CLSTN1: variants seen among roughly 807,000 people sequenced by gnomAD.
CLSTN1 encodes the protein calsyntenin 1.
Under a neutral mutation model 108.3 loss-of-function variants are expected in CLSTN1, and 28 were observed. The observed-to-expected ratio is 0.26, with a 90% CI of 0.19 to 0.35. The LOEUF is 0.35. CLSTN1 is among the 10% of genes least tolerant of loss of function. CLSTN1 has a pLI of 1.00. For synonymous variants in CLSTN1, 524 were observed against 534.9 expected (o/e 0.98, Z 0.28); for missense variants, 1,157 against 1,302.6 (o/e 0.89, Z 1.72).
chr1:9,765,583 GA>G (rs112190704), intron 2 of CLSTN1, among the ~76,000 whole-genome samples: 3,394 of 141,298 alleles, frequency 0.024, 139 homozygotes, highest in African/African-American at 0.076. Context: ...CTCAAAAAAA[GA>G]AAAAAAAAAA....
chr1:9,823,652 C>A lies in CLSTN1; in HGVS notation c.82G>T (p.Ala28Ser). 1 of 1,179,068 alleles carries A rather than the reference C, an allele frequency of 8.5e-7. No individual in the cohort carries two copies. Among genetic ancestry groups the A allele is most frequent in the East Asian group, 3.7e-5 (1 of 27,114 alleles). 73.0% of individuals were successfully genotyped at this position (1,179,068 alleles called of 1,614,324 possible). A position where few individuals can be genotyped will look rare whatever the true frequency, so the allele number is the denominator to read the frequency against. ...AGLLCGGGVW[A>S]ARVNKHKPWL... ...CAGCCCCGGGGCTTACCTCGCGCGGCCCAGACCCCGCCGCCGCACAGCAGC... is the reference window on the plus strand; with the variant it reads ...CAGCCCCGGGGCTTACCTCGCGCGGACCAGACCCCGCCGCCGCACAGCAGC... The change falls in exon 1 of 19, where the codon GCC becomes TCC. Residue 28 changes from alanine (A) to serine (S), a missense_variant. Transcript: ENST00000377298. The surrounding 1 kb of genome is among the most constrained non-coding windows in gnomAD (Gnocchi z 6.3).
chr1:9,750,466 C>A (rs867080045), intron 5 of CLSTN1, among the ~76,000 whole-genome samples: 2 of 151,928 alleles, frequency 1.3e-5, no homozygotes, highest in South Asian at 4.2e-4. Context: ...AACAGGGTCT[C>A]GTTCTCTTGC....
intron 1 of CLSTN1, among the ~76,000 whole-genome samples, chr1:9,775,267 T>C (rs1652878959): frequency 6.6e-6 from 1 of 151,240 alleles, no homozygotes; most frequent in Non-Finnish European, 1.5e-5. Flanking sequence ...CAAGATGGAG[T>C]CGCTCTGGTT....
intron 1 of CLSTN1, among the ~76,000 whole-genome samples, chr1:9,777,584 AAC>A (rs1190018572): frequency 1.3e-5 from 2 of 152,202 alleles, no homozygotes; most frequent in Non-Finnish European, 2.9e-5. Context: ...TTAAAAAACA[AAC>A]ACATTATATA....
At chr1:9,764,498 A>G (rs1570465805) in intron 2 of CLSTN1, among the ~76,000 whole-genome samples, 2 of 152,172 alleles carry the variant, frequency 1.3e-5, no homozygotes, top group African/African-American at 2.4e-5. Context: ...TTAGCCAGGT[A>G]TGATGGCACA....
At chr1:9,749,977 A>G (rs1570450356) in intron 5 of CLSTN1, 64 bp from the exon 6 acceptor site, 2 of 1,407,326 alleles carry the variant, frequency 1.4e-6, no homozygotes, top group East Asian at 2.3e-5. Flanking sequence ...TTGTTGTCCT[A>G]GGCGGAAAGA....
In CLSTN1 at chr1:9,750,606, C is replaced by T. The variant is rs567159789; in HGVS notation, c.650-693G>A. 2.7e-5 allele frequency among the ~76,000 whole-genome samples: 4 copies of T among 149,836 alleles called. No individual in the cohort carries two copies. The East Asian group carries it at 5.9e-4, about 22-fold the overall frequency. On this transcript the variant is annotated intron_variant, in intron 5 of 18. Coordinates refer to ENST00000377298, the MANE Select transcript of CLSTN1 (RefSeq NM_001009566.3). ...GTGTGCCTGCAGTCCCAGCTACTAG[C>T]GAGGCTGTGGCGGGAGGATCCCGTG...
chr1:9,756,001 T>A lies in CLSTN1; in HGVS notation c.244+480A>T, dbSNP rs569535746. Among the ~76,000 whole-genome samples the A allele has an allele frequency of 2.0e-5, 3 of 152,278 alleles. No homozygotes were observed. In the South Asian group the frequency reaches 6.2e-4, roughly 32 times the overall value. The stretch of plus-strand genomic sequence containing the variant: ...AGACTTGCCTTTGTTTCGGACTTTA[T>A]CCTATCAAACCTGAAAAAGACACCA... On this transcript the variant is annotated intron_variant, in intron 3 of 18. Transcript: ENST00000377298.
chr1:9,744,073 T>C, intron 8 of CLSTN1, 68 bp from the exon 9 acceptor site: 1 of 1,584,282 alleles, frequency 6.3e-7, no homozygotes, highest in Non-Finnish European at 8.6e-7. Context: ...AGCTGTTTCT[T>C]GAATGGATTT....
chr1:9,761,280 G>C (rs572907520), intron 2 of CLSTN1, among the ~76,000 whole-genome samples: 1 of 152,192 alleles, frequency 6.6e-6, no homozygotes, highest in East Asian at 1.9e-4. Context: ...ATCACCTGAG[G>C]TCAGGAGTTC....
intron 1 of CLSTN1, among the ~76,000 whole-genome samples, chr1:9,780,001 C>T (rs1653165578): frequency 1.3e-5 from 2 of 152,052 alleles, no homozygotes; most frequent in Non-Finnish European, 1.5e-5. Context: ...TACAGACGTG[C>T]ATCACCACAC....
intron 3 of CLSTN1, among the ~76,000 whole-genome samples, chr1:9,756,121 T>C (rs1651794055): frequency 1.3e-5 from 2 of 152,254 alleles, no homozygotes; most frequent in South Asian, 4.1e-4. Context: ...ACAGTATAAA[T>C]GTTTTGATGT....
intron 2 of CLSTN1, among the ~76,000 whole-genome samples, chr1:9,760,373 C>T (rs767235822): frequency 3.9e-5 from 6 of 152,088 alleles, no homozygotes; most frequent in African/African-American, 1.2e-4. Context: ...GCCTTGCAAC[C>T]GAGCCCATCA....
At chr1:9,814,196 G>C (rs1180274244) in intron 1 of CLSTN1, among the ~76,000 whole-genome samples, 1 of 149,690 alleles carries the variant, frequency 6.7e-6, no homozygotes, top group African/African-American at 2.5e-5. Flanking sequence ...GATTGCTTGA[G>C]TCCAGGAGTT....
chr1:9,810,487 A>C (rs1019061525), intron 1 of CLSTN1, among the ~76,000 whole-genome samples: 10 of 150,652 alleles, frequency 6.6e-5, no homozygotes, highest in Non-Finnish European at 1.2e-4. Flanking sequence ...AAAATAAATA[A>C]ATAAAGACTG....
At chr1:9,746,816 C>T (rs1651289591) in intron 7 of CLSTN1, among the ~76,000 whole-genome samples, 1 of 152,066 alleles carries the variant, frequency 6.6e-6, no homozygotes, top group East Asian at 1.9e-4. Context: ...TTTAATTCCT[C>T]TGTAACAAGG....
Position 9,787,402 on chromosome 1 carries a change from A to ATTT in CLSTN1, c.92-14011_92-14009dup, listed in dbSNP as rs70998310. On this transcript the variant is annotated intron_variant, in intron 1 of 18. Coordinates refer to ENST00000377298, the MANE Select transcript of CLSTN1 (RefSeq NM_001009566.3). ...TTGAAAGCTTAAAGTGAGCCTTCTA[A>ATTT]TTTTTTTTTTTTTTTTTTTGAGACG... Among the ~76,000 whole-genome samples, 514 of 136,592 alleles carry ATTT rather than the reference A, an allele frequency of 3.8e-3. 5 individuals are homozygous for ATTT. Among genetic ancestry groups the ATTT allele is most frequent in the African/African-American group, 0.013 (462 of 36,672 alleles). 89.6% of individuals were successfully genotyped at this position (136,592 alleles called of 152,430 possible).
intron 2 of CLSTN1, among the ~76,000 whole-genome samples, chr1:9,766,002 C>G (rs748951452): frequency 6.6e-6 from 1 of 152,148 alleles, no homozygotes; most frequent in Non-Finnish European, 1.5e-5. Context: ...CACTGGCCAC[C>G]CTCAGGGCAT....
Position 9,730,208 on chromosome 1 carries a change from T to C in CLSTN1, c.*300A>G, listed in dbSNP as rs895466499. The C allele has an allele frequency of 1.3e-5, 6 of 474,272 alleles. No homozygotes were observed. Among genetic ancestry groups the C allele is most frequent in the Admixed American group, 3.3e-5 (1 of 29,892 alleles). The allele number at this position is 474,272 out of a possible 1,614,324, so 29.4% of individuals were successfully genotyped here. ...TGGAGTGCGAGGGGCCAGTGTCCTCTCCCCGGGGGGAGACTCCAGACACAA... is the reference window on the plus strand; with the variant it reads ...TGGAGTGCGAGGGGCCAGTGTCCTCCCCCCGGGGGGAGACTCCAGACACAA... On this transcript the variant is annotated 3_prime_UTR_variant, in exon 19 of 19. Transcript: ENST00000377298. The surrounding 1 kb of genome is among the most constrained non-coding windows in gnomAD (Gnocchi z 5.6).
Sources: gnomAD v4.1 joint callset for allele counts (sites outside exome capture counted in the v4.1 genomes callset) on GRCh38, gnomAD v4.1.1 for gene constraint, Gnocchi (gnomAD v3.1) non-coding constraint, MANE v1.5 for transcripts, NCBI Gene and HGNC (gene_info 2026-07-23, HGNC 2026-07-21) for gene names.